NOL4L: variants seen among roughly 807,000 people sequenced by gnomAD.
The protein encoded by NOL4L is nucleolar protein 4-like.
In NOL4L, 7 loss-of-function variants were observed where a neutral mutation model predicts 64.5. The observed-to-expected ratio is 0.11, with a 90% CI of 0.06 to 0.20. NOL4L has a LOEUF of 0.20. Among genes scored for constraint, NOL4L ranks in the 10% least tolerant of loss-of-function variants. The pLI is 1.00. For synonymous variants in NOL4L, 413 were observed against 401.0 expected (o/e 1.03, Z -0.36); for missense variants, 680 against 967.1 (o/e 0.70, Z 3.94).
At chr20:32,517,958 C>T (rs1206807197) in intron 3 of NOL4L, among the ~76,000 whole-genome samples, 3 of 152,182 alleles carry the variant, frequency 2.0e-5, no homozygotes, top group African/African-American at 7.2e-5. Context: ...CCTCAGTTTC[C>T]TTACCTGTAA....
intron 3 of NOL4L, among the ~76,000 whole-genome samples, chr20:32,517,473 G>A (rs577161384): frequency 1.3e-5 from 2 of 152,238 alleles, no homozygotes; most frequent in South Asian, 2.1e-4. Flanking sequence ...GGCTTTCAGC[G>A]GGGGCAGGAG....
intron 4 of NOL4L, among the ~76,000 whole-genome samples, chr20:32,506,876 G>T (rs973943181): frequency 1.3e-5 from 2 of 152,212 alleles, no homozygotes; most frequent in Non-Finnish European, 2.9e-5. Flanking sequence ...GGAGGCAGAG[G>T]TTAATGGGGG....
rs144481109 is a variant in NOL4L at position 32,579,934 on chromosome 20, C to T, written c.321+4636G>A. ...CACCCCACACCCATCTTCATGAGCCCTAGGAAAGCCCACAGACTTTATGTT... is the reference window on the plus strand; with the variant it reads ...CACCCCACACCCATCTTCATGAGCCTTAGGAAAGCCCACAGACTTTATGTT... On this transcript the variant is annotated intron_variant, in intron 1 of 10. Coordinates refer to ENST00000621426, the MANE Select transcript of NOL4L (RefSeq NM_001256798.2). Among the ~76,000 whole-genome samples, 84 of 152,306 alleles carry T rather than the reference C, an allele frequency of 5.5e-4. 1 individual carries two copies. Among genetic ancestry groups the T allele is most frequent in the African/African-American group, 2.0e-3 (83 of 41,564 alleles).
intron 5 of NOL4L, among the ~76,000 whole-genome samples, chr20:32,457,639 C>A (rs1409867141): frequency 1.3e-5 from 2 of 152,196 alleles, no homozygotes; most frequent in Non-Finnish European, 2.9e-5. Flanking sequence ...CCAGGCCGGG[C>A]AGAGGGGGAT....
chr20:32,528,035 G>A (rs1292632478), intron 1 of NOL4L, 122 bp from the exon 2 acceptor site: 6 of 488,944 alleles, frequency 1.2e-5, no homozygotes, highest in Non-Finnish European at 1.9e-5. Flanking sequence ...TTGGGGTGGG[G>A]AGGGGAGGGA....
chr20:32,448,545 C>T (rs745772291), intron 10 of NOL4L, among the ~76,000 whole-genome samples: 9 of 152,180 alleles, frequency 5.9e-5, no homozygotes, highest in Non-Finnish European at 7.3e-5. Context: ...AAGCCTCTTT[C>T]TGCTAAGCCT....
chr20:32,570,977 A>G (rs771433982), intron 1 of NOL4L, among the ~76,000 whole-genome samples: 2 of 152,138 alleles, frequency 1.3e-5, no homozygotes, highest in Non-Finnish European at 2.9e-5. Flanking sequence ...AAGCACAGAG[A>G]ACTTCAGCAA....
chr20:32,557,119 C>T (rs965462467), intron 1 of NOL4L, among the ~76,000 whole-genome samples: 1 of 152,116 alleles, frequency 6.6e-6, no homozygotes, highest in Non-Finnish European at 1.5e-5. Flanking sequence ...TTGTGAAACC[C>T]GTAACACAGA....
intron 4 of NOL4L, among the ~76,000 whole-genome samples, chr20:32,503,698 T>C (rs1197043504): frequency 6.6e-6 from 1 of 152,216 alleles, no homozygotes; most frequent in Non-Finnish European, 1.5e-5. Flanking sequence ...GGCAAAGATA[T>C]GCTGAGAGCT....
intron 1 of NOL4L, among the ~76,000 whole-genome samples, chr20:32,533,847 C>A (rs1340558791): frequency 6.6e-6 from 1 of 152,176 alleles, no homozygotes; most frequent in Non-Finnish European, 1.5e-5. Flanking sequence ...AGAGGGGGAT[C>A]GGCATGTCTT....
At chr20:32,496,545 ATTTC>A (rs1214121254) in intron 4 of NOL4L, among the ~76,000 whole-genome samples, 10 of 151,228 alleles carry the variant, frequency 6.6e-5, no homozygotes, top group South Asian at 2.1e-4. Context: ...GAAGGAAGAA[ATTTC>A]TTTCTTTCTT....
intron 5 of NOL4L, among the ~76,000 whole-genome samples, chr20:32,471,846 C>T (rs1007762579): frequency 6.6e-6 from 1 of 152,180 alleles, no homozygotes; most frequent in African/African-American, 2.4e-5. Context: ...CACCATGAGA[C>T]ATGCCTGCTC....
At chr20:32,564,634 C>T (rs1979308567) in intron 1 of NOL4L, among the ~76,000 whole-genome samples, 1 of 152,238 alleles carries the variant, frequency 6.6e-6, no homozygotes, top group Non-Finnish European at 1.5e-5. Context: ...CTGTGTGCTT[C>T]AGGACACAAT....
At position 32,496,069 on chromosome 20, in the gene NOL4L, C is replaced by T. The variant is rs569966719; in HGVS notation, c.699+15278G>A. 2.0e-5 allele frequency among the ~76,000 whole-genome samples: 3 copies of T among 152,302 alleles called. No homozygotes were observed. In the East Asian group the frequency reaches 5.8e-4, roughly 29 times the overall value. On this transcript the variant is annotated intron_variant, in intron 4 of 10. Coordinates refer to ENST00000621426, the MANE Select transcript of NOL4L (RefSeq NM_001256798.2). Reference sequence around the variant, plus strand: ...GCTTCCCTCTGGCAGAGAAAGATCACCACTAGGCTTCACATCACAACACAT... The same window carrying T: ...GCTTCCCTCTGGCAGAGAAAGATCATCACTAGGCTTCACATCACAACACAT...
At chr20:32,482,557 G>C (rs1160529951) in intron 4 of NOL4L, among the ~76,000 whole-genome samples, 2 of 152,102 alleles carry the variant, frequency 1.3e-5, no homozygotes, top group African/African-American at 4.8e-5. Context: ...GAGGGCGGAG[G>C]TGTAAATCCA....
intron 1 of NOL4L, among the ~76,000 whole-genome samples, chr20:32,558,570 G>T (rs922334629): frequency 2.0e-5 from 3 of 152,150 alleles, no homozygotes; most frequent in Non-Finnish European, 4.4e-5. Context: ...TCACACAGCC[G>T]GCTGGGTACA....
chr20:32,473,707 A>G (rs2015187368), intron 5 of NOL4L, among the ~76,000 whole-genome samples: 1 of 152,104 alleles, frequency 6.6e-6, no homozygotes, highest in African/African-American at 2.4e-5. Flanking sequence ...CAGAGTTCAC[A>G]TTACACCCCT....
intron 1 of NOL4L, among the ~76,000 whole-genome samples, chr20:32,574,547 G>C: frequency 6.6e-6 from 1 of 152,182 alleles, no homozygotes; most frequent in East Asian, 1.9e-4. Flanking sequence ...AAGGCCGGAG[G>C]CCCGATTGTG....
At chr20:32,516,400 G>A (rs1399782547) in intron 3 of NOL4L, among the ~76,000 whole-genome samples, 1 of 152,168 alleles carries the variant, frequency 6.6e-6, no homozygotes, top group Non-Finnish European at 1.5e-5. Flanking sequence ...GTGCGGTGCA[G>A]TCCCCAGGCT....
Sources: allele counts gnomAD v4.1 joint callset (sites outside exome capture counted in the v4.1 genomes callset), GRCh38; gene constraint gnomAD v4.1.1; transcripts MANE v1.5; gene names NCBI Gene and HGNC (gene_info 2026-07-23, HGNC 2026-07-21).